Variants in DMD observed in about 807,000 individuals in gnomAD.
DMD encodes mutant dystrophin.
DMD carries 63 observed loss-of-function variants against 330.1 expected under a neutral mutation model. The observed-to-expected ratio is 0.19, with a 90% CI of 0.16 to 0.24. The LOEUF (loss-of-function observed/expected upper bound fraction) is 0.24. Ranked by LOEUF, DMD falls within the 10% of genes least tolerant of loss-of-function variation. DMD has a pLI of 1.00. For missense variants in DMD, 3,344 were observed against 2,684.1 expected (o/e 1.25, Z -5.43); for synonymous variants, 1,223 against 959.8 (o/e 1.27, Z -5.07).
intron 1 of DMD, among the ~76,000 whole-genome samples, chrX:33,026,313 CAAAAAAAAAAAAAAAAAAAAA>C (rs56794668): frequency 9.2e-5 from 3 of 32,780 alleles, no homozygotes; most frequent in Admixed American, 8.7e-4. Flanking sequence ...GACTCCGTCT[CAAAAAAAAAAAAAAAAAAAAA>C]AAAAAAAAAA....
At chrX:33,282,661 T>C (rs778440305) in intron 1 of DMD, among the ~76,000 whole-genome samples, 2 of 112,045 alleles carry the variant, frequency 1.8e-5, no homozygotes, top group East Asian at 5.7e-4. Context: ...TAGTCCTAAA[T>C]CCCTGGGAAA....
chrX:32,873,325 C>G (rs1192995737), intron 2 of DMD, among the ~76,000 whole-genome samples: 1 of 109,950 alleles, frequency 9.1e-6, no homozygotes, highest in Non-Finnish European at 1.9e-5. Flanking sequence ...ACACAGGCAT[C>G]TAGATATGGC....
At chrX:32,366,038 C>A (rs964395985) in intron 34 of DMD, among the ~76,000 whole-genome samples, 25 of 112,043 alleles carry the variant, frequency 2.2e-4, no homozygotes, top group African/African-American at 8.1e-4. Flanking sequence ...AGTTCACAGA[C>A]CTTATTTCTA....
chrX:32,591,979 C>G (rs1185527989), intron 13 of DMD, among the ~76,000 whole-genome samples: 1 of 112,610 alleles, frequency 8.9e-6, no homozygotes, highest in African/African-American at 3.2e-5. Flanking sequence ...GCTGGCATGC[C>G]AGCCCCCTGC....
At chrX:31,255,497 C>G (rs1034176943) in intron 63 of DMD, among the ~76,000 whole-genome samples, 1 of 111,534 alleles carries the variant, frequency 9.0e-6, no homozygotes, top group Non-Finnish European at 1.9e-5. Flanking sequence ...TGGGAAATAT[C>G]TCAAGAGCCT....
In DMD at chrX:31,555,101, T is replaced by C. The variant is rs767108187; in HGVS notation, c.8218-47648A>G. Among the ~76,000 whole-genome samples the C allele has an allele frequency of 9.0e-5, 10 of 111,411 alleles. No homozygotes were observed. The South Asian group carries it at 3.8e-3, about 42-fold the overall frequency. ...ATAAGGCTTGAGTGGTCACACGGAG[T>C]GAGAGCATGAAGGGCCATGTAAGTA... On this transcript the variant is annotated intron_variant, in intron 55 of 78. Transcript: ENST00000357033.
At chrX:31,219,591 T>C (rs983187729) in intron 64 of DMD, among the ~76,000 whole-genome samples, 19 of 110,251 alleles carry the variant, frequency 1.7e-4, no homozygotes, top group Non-Finnish European at 3.0e-4. Flanking sequence ...ACCCCACCCA[T>C]TACAGTGGAA....
At chrX:31,366,666 G>A (rs2059280756) in intron 60 of DMD, among the ~76,000 whole-genome samples, 1 of 108,005 alleles carries the variant, frequency 9.3e-6, no homozygotes, top group Non-Finnish European at 1.9e-5. Context: ...TCTTAGTAAA[G>A]ATGATAAAAT....
chrX:33,230,327 A>T (rs2052366597), intron 1 of DMD, among the ~76,000 whole-genome samples: 1 of 111,171 alleles, frequency 9.0e-6, no homozygotes, highest in African/African-American at 3.3e-5. Context: ...GTCCTTGCTT[A>T]TATTGCAGTA....
chrX:33,177,471 G>A (rs1041613901), intron 1 of DMD, among the ~76,000 whole-genome samples: 1 of 111,401 alleles, frequency 9.0e-6, no homozygotes, highest in Non-Finnish European at 1.9e-5. Flanking sequence ...TGCAACTGCC[G>A]CCTCCCTGGT....
At chrX:31,165,638 C>T (rs745570907) in intron 74 of DMD, among the ~76,000 whole-genome samples, 4 of 111,323 alleles carry the variant, frequency 3.6e-5, no homozygotes, top group African/African-American at 9.8e-5. Context: ...CTTTAATCAA[C>T]GCAAGAAAAA....
At chrX:32,063,687 A>G (rs1014027017) in intron 44 of DMD, among the ~76,000 whole-genome samples, 4 of 110,845 alleles carry the variant, frequency 3.6e-5, no homozygotes, top group African/African-American at 6.5e-5. Context: ...CGATTTCTTT[A>G]CTTTTTATTA....
chrX:31,158,243 C>T (rs1470119810), intron 74 of DMD, among the ~76,000 whole-genome samples: 11 of 111,963 alleles, frequency 9.8e-5, no homozygotes. Context: ...TATATCCATA[C>T]AATGAAATGT....
At chrX:32,171,390 C>A (rs950999071) in intron 44 of DMD, among the ~76,000 whole-genome samples, 2 of 111,514 alleles carry the variant, frequency 1.8e-5, no homozygotes, top group African/African-American at 6.5e-5. Context: ...TTTTCCTTAG[C>A]ACTAACATCT....
chrX:31,176,570 A>G (rs757903995), intron 71 of DMD, among the ~76,000 whole-genome samples: 5 of 111,482 alleles, frequency 4.5e-5, no homozygotes, highest in Non-Finnish European at 9.5e-5. Context: ...ATTTCCACAT[A>G]GAGTAAATCC....
intron 30 of DMD, among the ~76,000 whole-genome samples, chrX:32,404,641 G>C (rs1011731780): frequency 1.8e-5 from 2 of 111,472 alleles, no homozygotes; most frequent in African/African-American, 6.5e-5. Context: ...ATGTTGGGTT[G>C]TTCTTACATA....
intron 9 of DMD, among the ~76,000 whole-genome samples, chrX:32,664,402 C>T (rs193232123): frequency 0.011 from 1,217 of 109,547 alleles, 15 homozygotes; most frequent in Admixed American, 0.034. Context: ...CCACCACGGC[C>T]GGCAAATTTT....
intron 7 of DMD, among the ~76,000 whole-genome samples, chrX:32,759,769 C>A (rs993135117): frequency 2.0e-5 from 2 of 100,434 alleles, no homozygotes; most frequent in African/African-American, 7.5e-5. Flanking sequence ...CAACTACAGA[C>A]GAGATAAGCT....
At chrX:32,121,620 C>CATATAT (rs10535803) in intron 44 of DMD, among the ~76,000 whole-genome samples, 501 of 36,377 alleles carry the variant, frequency 0.014, 25 homozygotes, top group Middle Eastern at 0.026. Context: ...AATATGTGTG[C>CATATAT]ATATATATAT....
Sources: gnomAD v4.1 joint callset for allele counts (sites outside exome capture counted in the v4.1 genomes callset) on GRCh38, gnomAD v4.1.1 for gene constraint, MANE v1.5 for transcripts, NCBI Gene and HGNC (gene_info 2026-07-23, HGNC 2026-07-21) for gene names.